COG6: variants seen among roughly 807,000 people sequenced by gnomAD.
The protein encoded by COG6 is component of oligomeric golgi complex 6.
Under a neutral mutation model 88.8 loss-of-function variants are expected in COG6, and 74 were observed. The ratio of observed to expected loss-of-function variants is 0.83; its 90% CI spans 0.69 to 1.01. The LOEUF is 1.01. Among genes scored for constraint, COG6 ranks in the 50% least tolerant of loss-of-function variants. COG6 has a pLI of 0.00. For missense variants in COG6, 800 were observed against 797.9 expected, an observed-to-expected ratio of 1.00 and a Z score of -0.03; for synonymous variants, 286 against 278.7, an observed-to-expected ratio of 1.03 and a Z score of -0.26.
intron 18 of COG6, among the ~76,000 whole-genome samples, chr13:39,767,193 C>T (rs1002021621): frequency 6.6e-6 from 1 of 152,166 alleles, no homozygotes; most frequent in African/African-American, 2.4e-5. Context: ...AGATTGTTAA[C>T]GTTTATCTGC....
intron 2 of COG6, 67 bp downstream of exon 2, chr13:39,659,574 A>G (rs960609866): frequency 9.5e-6 from 13 of 1,366,352 alleles, no homozygotes; most frequent in Non-Finnish European, 1.3e-5. Context: ...TGTGCTAAGT[A>G]TTTTTTTGAA....
At chr13:39,696,960 A>AT (rs950872905) in intron 12 of COG6, among the ~76,000 whole-genome samples, 3 of 147,410 alleles carry the variant, frequency 2.0e-5, no homozygotes, top group Non-Finnish European at 4.5e-5. Flanking sequence ...ACATGTATAC[A>AT]TACTAGATAG....
chr13:39,757,350 G>C (rs1390069734), downstream of COG6, among the ~76,000 whole-genome samples: 1 of 151,942 alleles, frequency 6.6e-6, no homozygotes, highest in Non-Finnish European at 1.5e-5. Flanking sequence ...GAAATTTATA[G>C]CCTACCTTAA....
chr13:39,720,888 T>A (rs928518582), intron 15 of COG6, among the ~76,000 whole-genome samples: 6 of 152,030 alleles, frequency 3.9e-5, no homozygotes, highest in Non-Finnish European at 8.8e-5. Flanking sequence ...CCCCCCTGGA[T>A]AAGAATATGG....
rs2138006982 is a variant in COG6, at chr13:39,687,648, G to A, written c.917+17G>A. 6.2e-7 allele frequency: 1 copy of A among 1,613,938 alleles called. No individual in the cohort carries two copies. Among genetic ancestry groups the A allele is most frequent in the East Asian group, 2.2e-5 (1 of 44,868 alleles). On this transcript the variant is annotated intron_variant, in intron 9 of 18. Transcript: ENST00000455146. ...CCCTTTGAGGTATAGTAATCAGACA[G>A]CAGAAGAGGAGTTGATGTTTTTCCA...
At chr13:39,777,291 G>T (rs1003761886) in intron 18 of COG6, among the ~76,000 whole-genome samples, 4 of 152,194 alleles carry the variant, frequency 2.6e-5, no homozygotes, top group African/African-American at 7.2e-5. Flanking sequence ...CACTCCAGCA[G>T]TGAAGAGCAA....
intron 13 of COG6, among the ~76,000 whole-genome samples, chr13:39,717,789 C>G (rs891281477): frequency 1.3e-5 from 2 of 152,002 alleles, no homozygotes; most frequent in Non-Finnish European, 2.9e-5. Context: ...GATGATCACT[C>G]GAGCATGCAG....
intron 4 of COG6, among the ~76,000 whole-genome samples, chr13:39,667,790 G>A (rs1875363213): frequency 6.6e-6 from 1 of 152,036 alleles, no homozygotes; most frequent in Non-Finnish European, 1.5e-5. Flanking sequence ...ATGTAGGGTT[G>A]AAAAAAACAG....
chr13:39,767,576 C>G (rs919866515), intron 18 of COG6, among the ~76,000 whole-genome samples: 12 of 152,182 alleles, frequency 7.9e-5, no homozygotes, highest in Admixed American at 5.9e-4. Context: ...GGCGTTCTCT[C>G]TGTGTGTGTT....
intron 13 of COG6, among the ~76,000 whole-genome samples, chr13:39,711,146 A>G (rs989205094): frequency 6.6e-6 from 1 of 152,120 alleles, no homozygotes; most frequent in African/African-American, 2.4e-5. Flanking sequence ...GAAAAGTTTA[A>G]AGCATATGAG....
At chr13:39,791,371 C>T (rs1185441867) in exon 19 of COG6, 1 of 151,986 alleles carries the variant, frequency 6.6e-6, no homozygotes, top group Non-Finnish European at 1.5e-5. Context: ...ATTTTAGTAA[C>T]AGATTTCCTA....
rs1881850568 is a variant in COG6 at position 39,788,723 on chromosome 13, C to T, written c.*367C>T. ...TTGTTCTTATCTCAAATATGTGTTACTTTCTAAATAACTTTAGTGTTCATA... is the reference window on the plus strand; with the variant it reads ...TTGTTCTTATCTCAAATATGTGTTATTTTCTAAATAACTTTAGTGTTCATA... On this transcript the variant is annotated 3_prime_UTR_variant, in exon 19 of 19. Transcript: ENST00000416691. 21 of 191,754 alleles carry T rather than the reference C, an allele frequency of 1.1e-4. No homozygotes were observed. The Admixed American group carries it at 1.2e-3, about 11-fold the overall frequency. 11.9% of individuals were successfully genotyped at this position (191,754 alleles called of 1,614,324 possible). A position where few individuals can be genotyped will look rare whatever the true frequency, so the allele number is the denominator to read the frequency against.
intron 18 of COG6, among the ~76,000 whole-genome samples, chr13:39,781,952 C>G (rs1881642643): frequency 6.6e-6 from 1 of 152,190 alleles, no homozygotes; most frequent in Non-Finnish European, 1.5e-5. Flanking sequence ...CCTCTCTTCT[C>G]GAACCCTTTT....
chr13:39,723,707 C>T (rs970421628), intron 16 of COG6, among the ~76,000 whole-genome samples: 13 of 151,850 alleles, frequency 8.6e-5, no homozygotes, highest in African/African-American at 2.4e-4. Flanking sequence ...TATTAACAAT[C>T]CTTTTTATTA....
intron 13 of COG6, among the ~76,000 whole-genome samples, chr13:39,715,388 A>G (rs1234180356): frequency 2.0e-5 from 3 of 152,126 alleles, no homozygotes; most frequent in South Asian, 4.1e-4. Context: ...TTGTAGTTCT[A>G]CTAGAGCTGT....
chr13:39,684,243 A>ATTTTTTTTTTTTTTTTTTTTTTTTTT (rs1203671335), intron 8 of COG6, among the ~76,000 whole-genome samples: 2 of 67,390 alleles, frequency 3.0e-5, no homozygotes, highest in Non-Finnish European at 5.1e-5. Context: ...AATTTGGAAG[A>ATTTTTTTTTTTTTTTTTTTTTTTTTT]TTTTTTTTTT....
At chr13:39,748,129 C>T (rs141935253) in intron 18 of COG6, among the ~76,000 whole-genome samples, 41 of 152,208 alleles carry the variant, frequency 2.7e-4, no homozygotes, top group African/African-American at 9.4e-4. Context: ...TAGAAAAGAA[C>T]TAAGAACACT....
At chr13:39,675,718 A>T (rs985477655) in intron 4 of COG6, among the ~76,000 whole-genome samples, 1 of 152,084 alleles carries the variant, frequency 6.6e-6, no homozygotes, top group Non-Finnish European at 1.5e-5. Flanking sequence ...TAAAGAGACA[A>T]ATTTTCCTTT....
At chr13:39,728,312 A>T (rs1482659727) in intron 18 of COG6, among the ~76,000 whole-genome samples, 1 of 152,184 alleles carries the variant, frequency 6.6e-6, no homozygotes, top group Non-Finnish European at 1.5e-5. Context: ...TGAACAAAAC[A>T]TTTCAGATAT....
Sources: gnomAD v4.1 joint callset for allele counts (sites outside exome capture counted in the v4.1 genomes callset) on GRCh38, gnomAD v4.1.1 for gene constraint, MANE v1.5 for transcripts, NCBI Gene and HGNC (gene_info 2026-07-23, HGNC 2026-07-21) for gene names.